The following TANGO6 variants were observed in gnomAD, a reference collection of about 807,000 sequenced individuals.
TANGO6 encodes transport and golgi organization 6 homolog.
Under a neutral mutation model 114.2 loss-of-function variants are expected in TANGO6, and 90 were observed. That is an observed-to-expected ratio of 0.79 (90% CI 0.66 to 0.94). The LOEUF (loss-of-function observed/expected upper bound fraction) is 0.94, where lower values mean the gene tolerates loss of function less well. Ranked by LOEUF, TANGO6 falls within the 40% of genes least tolerant of loss-of-function variation. TANGO6 has a pLI of 0.00. For synonymous variants in TANGO6, 477 were observed against 509.8 expected (o/e 0.94, Z 0.87); for missense variants, 1,274 against 1,315.3 (o/e 0.97, Z 0.49).
At chr16:68,854,271 T>C (rs1038350278) in intron 1 of TANGO6, among the ~76,000 whole-genome samples, 1 of 152,130 alleles carries the variant, frequency 6.6e-6, no homozygotes, top group South Asian at 2.1e-4. Flanking sequence ...CTGGGCAACA[T>C]AGTGAGACCT....
At chr16:68,910,503 C>G (rs951467673) in intron 11 of TANGO6, among the ~76,000 whole-genome samples, 19 of 152,134 alleles carry the variant, frequency 1.2e-4, no homozygotes, top group African/African-American at 4.6e-4. Context: ...TTGCACTTAG[C>G]TCCCTTTACT....
At chr16:69,064,609 G>A (rs962525768) in intron 17 of TANGO6, among the ~76,000 whole-genome samples, 2 of 152,126 alleles carry the variant, frequency 1.3e-5, no homozygotes, top group East Asian at 1.9e-4. Flanking sequence ...TCCTAGTAAT[G>A]CACATATGAA....
chr16:69,027,733 A>G (rs1959526915), intron 16 of TANGO6, among the ~76,000 whole-genome samples: 1 of 151,916 alleles, frequency 6.6e-6, no homozygotes, highest in Non-Finnish European at 1.5e-5. Flanking sequence ...ACTGAACTGT[A>G]AACTGTGTAC....
At chr16:68,981,928 C>A (rs968842489) in intron 15 of TANGO6, among the ~76,000 whole-genome samples, 2 of 152,196 alleles carry the variant, frequency 1.3e-5, no homozygotes, top group Admixed American at 6.5e-5. Flanking sequence ...GCATTTCTGT[C>A]CCAAGTGTTT....
chr16:69,038,792 C>G (rs1378094479), intron 16 of TANGO6, among the ~76,000 whole-genome samples: 2 of 152,130 alleles, frequency 1.3e-5, no homozygotes, highest in Non-Finnish European at 2.9e-5. Context: ...CCTGTAATCC[C>G]AGCACTTTGG....
chr16:68,990,370 G>A (rs965169091), intron 15 of TANGO6, among the ~76,000 whole-genome samples: 1 of 152,058 alleles, frequency 6.6e-6, no homozygotes, highest in East Asian at 1.9e-4. Context: ...GGTAAAGAGA[G>A]AATGAGAACC....
intron 17 of TANGO6, among the ~76,000 whole-genome samples, chr16:69,064,407 A>T (rs914991000): frequency 6.6e-6 from 1 of 152,162 alleles, no homozygotes; most frequent in Non-Finnish European, 1.5e-5. Flanking sequence ...GATCAGAGCA[A>T]GCCTGAGGTG....
chr16:69,015,056 T>G (rs548873031), intron 15 of TANGO6, among the ~76,000 whole-genome samples: 8 of 152,296 alleles, frequency 5.3e-5, no homozygotes, highest in African/African-American at 1.4e-4. Flanking sequence ...ACCTGGAGAC[T>G]AGGGTACAAT....
At chr16:68,848,770 T>C (rs1338066754) in intron 1 of TANGO6, among the ~76,000 whole-genome samples, 2 of 152,212 alleles carry the variant, frequency 1.3e-5, no homozygotes, top group Non-Finnish European at 2.9e-5. Context: ...TTTTGTTGTA[T>C]TATGAATCAT....
chr16:69,013,032 A>C lies in TANGO6; in HGVS notation c.2843-9796A>C, dbSNP rs16958565. On this transcript the variant is annotated intron_variant, in intron 15 of 17. Transcript: ENST00000261778. ...ATCCCAGAACCCTAGATTTTAATTCATACTCAAATAGGTTAGCCAATAGTT... is the reference window on the plus strand; with the variant it reads ...ATCCCAGAACCCTAGATTTTAATTCCTACTCAAATAGGTTAGCCAATAGTT... 4.7e-3 allele frequency among the ~76,000 whole-genome samples: 709 copies of C among 152,314 alleles called. 5 individuals carry two copies. Among genetic ancestry groups the C allele is most frequent in the African/African-American group, 0.016 (676 of 41,560 alleles).
At chr16:69,073,885 G>A (rs1355062667) in intron 17 of TANGO6, among the ~76,000 whole-genome samples, 1 of 151,888 alleles carries the variant, frequency 6.6e-6, no homozygotes, top group Non-Finnish European at 1.5e-5. Context: ...AACCCAGGAG[G>A]CAGAGGTTGC....
intron 15 of TANGO6, among the ~76,000 whole-genome samples, chr16:69,005,478 G>A (rs1473534685): frequency 1.3e-5 from 2 of 152,066 alleles, no homozygotes; most frequent in African/African-American, 4.8e-5. Flanking sequence ...AAAGGACAGA[G>A]AATCCAAAAT....
At chr16:69,022,708 A>AT in intron 15 of TANGO6, 120 bp from the exon 16 acceptor site, 9 of 1,222,252 alleles carry the variant, frequency 7.4e-6, no homozygotes, top group South Asian at 1.6e-5. Context: ...TGTCTCAAAA[A>AT]AAAAATAAAA....
At chr16:69,040,694 A>G (rs1023398960) in intron 17 of TANGO6, among the ~76,000 whole-genome samples, 1 of 152,100 alleles carries the variant, frequency 6.6e-6, no homozygotes, top group African/African-American at 2.4e-5. Flanking sequence ...CATTGTCCTC[A>G]TTGTTCCAAG....
chr16:68,933,466 C>T (rs1301246204), intron 14 of TANGO6, among the ~76,000 whole-genome samples: 1 of 152,188 alleles, frequency 6.6e-6, no homozygotes, highest in East Asian at 1.9e-4. Flanking sequence ...CCTGAAACAC[C>T]AATCATTTAT....
chr16:69,018,496 C>G (rs887963779), intron 15 of TANGO6, among the ~76,000 whole-genome samples: 1 of 151,808 alleles, frequency 6.6e-6, no homozygotes, highest in African/African-American at 2.4e-5. Flanking sequence ...ATAGGTAACT[C>G]ATAGGAATTA....
intron 14 of TANGO6, among the ~76,000 whole-genome samples, chr16:68,956,044 G>A (rs969821284): frequency 7.9e-5 from 12 of 152,050 alleles, no homozygotes; most frequent in African/African-American, 2.2e-4. Flanking sequence ...CCAGCTACTC[G>A]GGAGGGTGAG....
intron 7 of TANGO6, among the ~76,000 whole-genome samples, chr16:68,893,317 A>G (rs920511700): frequency 6.6e-6 from 1 of 152,216 alleles, no homozygotes; most frequent in African/African-American, 2.4e-5. Context: ...ATTTGTGTTA[A>G]GTCACACAAC....
chr16:68,957,780 A>T (rs1406344075), intron 14 of TANGO6, among the ~76,000 whole-genome samples: 1 of 152,208 alleles, frequency 6.6e-6, no homozygotes, highest in African/African-American at 2.4e-5. Flanking sequence ...AATACAAGAT[A>T]AGTTTGAAAA....
Sources: gnomAD v4.1 joint callset for allele counts (sites outside exome capture counted in the v4.1 genomes callset) on GRCh38, gnomAD v4.1.1 for gene constraint, MANE v1.5 for transcripts, NCBI Gene and HGNC (gene_info 2026-07-23, HGNC 2026-07-21) for gene names.